RELN: variants seen among roughly 807,000 people sequenced by gnomAD.
RELN encodes the protein reelin.
Under a neutral mutation model 427.6 loss-of-function variants are expected in RELN, and 108 were observed. The observed-to-expected ratio is 0.25, with a 90% CI of 0.22 to 0.30. The LOEUF is 0.30. RELN is among the 10% of genes least tolerant of loss of function. The pLI is 1.00. For missense variants in RELN, 3,715 were observed against 4,302.8 expected, an observed-to-expected ratio of 0.86 and a Z score of 3.82; for synonymous variants, 1,524 against 1,513.4, an observed-to-expected ratio of 1.01 and a Z score of -0.16.
intron 50 of RELN, among the ~76,000 whole-genome samples, chr7:103,511,829 G>A (rs1009149106): frequency 6.6e-6 from 1 of 152,164 alleles, no homozygotes; most frequent in Non-Finnish European, 1.5e-5. Flanking sequence ...GGGCAGCAGA[G>A]TGAGACCCTG....
intron 6 of RELN, among the ~76,000 whole-genome samples, chr7:103,741,882 G>A (rs1231463722): frequency 1.3e-5 from 2 of 152,156 alleles, no homozygotes; most frequent in African/African-American, 4.8e-5. Context: ...GAAGATGGGT[G>A]ATTTCTGCAT....
intron 12 of RELN, among the ~76,000 whole-genome samples, chr7:103,655,885 T>C (rs902313575): frequency 1.3e-5 from 2 of 152,106 alleles, no homozygotes; most frequent in Non-Finnish European, 2.9e-5. Context: ...TATATCTTTT[T>C]TGATCCCATA....
intron 2 of RELN, among the ~76,000 whole-genome samples, chr7:103,863,822 TTTTTTTTTTTAGAAA>T: frequency 6.6e-6 from 1 of 152,044 alleles, no homozygotes; most frequent in Admixed American, 6.6e-5. Flanking sequence ...GCAATCAATT[TTTTTTTTTTTAGAAA>T]AAAATCCTCT....
At chr7:103,773,635 A>G (rs1233863946) in intron 4 of RELN, among the ~76,000 whole-genome samples, 1 of 151,798 alleles carries the variant, frequency 6.6e-6, no homozygotes, top group East Asian at 2.0e-4. Context: ...ACGCCCAGCT[A>G]ATTTTTGTAT....
At chr7:103,795,363 G>A (rs1792275480) in intron 3 of RELN, among the ~76,000 whole-genome samples, 1 of 152,196 alleles carries the variant, frequency 6.6e-6, no homozygotes, top group South Asian at 2.1e-4. Context: ...AATGTGCAGT[G>A]TTTTTGTTTA....
chr7:103,499,634 C>T (rs1828956690), intron 53 of RELN, among the ~76,000 whole-genome samples: 1 of 152,142 alleles, frequency 6.6e-6, no homozygotes, highest in African/African-American at 2.4e-5. Context: ...TAAAGACATA[C>T]AGTCAAATGT....
chr7:103,728,925 G>A (rs748112995), intron 6 of RELN, among the ~76,000 whole-genome samples: 15 of 152,112 alleles, frequency 9.9e-5, no homozygotes, highest in Non-Finnish European at 1.8e-4. Context: ...AACGGAATTA[G>A]CTCCTATCTT....
chr7:103,572,832 T>C (rs1830914322), intron 30 of RELN, among the ~76,000 whole-genome samples: 2 of 152,186 alleles, frequency 1.3e-5, no homozygotes, highest in South Asian at 4.1e-4. Flanking sequence ...AACACTATCC[T>C]TGGAAACTCA....
intron 19 of RELN, among the ~76,000 whole-genome samples, chr7:103,632,367 C>T (rs1378948633): frequency 6.6e-6 from 1 of 152,198 alleles, no homozygotes; most frequent in Non-Finnish European, 1.5e-5. Flanking sequence ...ATAATAAGGA[C>T]TCAACAAATT....
intron 1 of RELN, among the ~76,000 whole-genome samples, chr7:103,932,463 A>C (rs945722256): frequency 1.3e-5 from 2 of 152,158 alleles, no homozygotes; most frequent in Admixed American, 6.5e-5. Context: ...TGGGTGATGA[A>C]ATAATCTGTA....
intron 2 of RELN, among the ~76,000 whole-genome samples, chr7:103,909,344 G>C (rs1795287136): frequency 2.0e-5 from 3 of 151,484 alleles, no homozygotes; most frequent in Admixed American, 1.3e-4. Flanking sequence ...TATGTTCAGT[G>C]AAAAATAAAA....
intron 20 of RELN, among the ~76,000 whole-genome samples, chr7:103,612,859 T>C (rs1257479986): frequency 6.6e-6 from 1 of 152,190 alleles, no homozygotes; most frequent in Non-Finnish European, 1.5e-5. Flanking sequence ...GAGCTTGTAA[T>C]TTATCATAGA....
At chr7:103,841,262 T>C (rs957100762) in intron 2 of RELN, among the ~76,000 whole-genome samples, 3 of 152,186 alleles carry the variant, frequency 2.0e-5, no homozygotes, top group Non-Finnish European at 4.4e-5. Flanking sequence ...ATCATAACTT[T>C]GCTGTAATTT....
intron 2 of RELN, among the ~76,000 whole-genome samples, chr7:103,851,321 T>C (rs1422850988): frequency 2.0e-5 from 3 of 152,086 alleles, no homozygotes; most frequent in Non-Finnish European, 4.4e-5. Context: ...ACAATGGACT[T>C]TGGGGACTTG....
intron 1 of RELN, 77 bp from the exon 2 acceptor site, chr7:103,917,262 G>A: frequency 1.8e-6 from 2 of 1,131,614 alleles, no homozygotes; most frequent in Non-Finnish European, 2.7e-6. Flanking sequence ...GTTAGACATT[G>A]TCAAAACAAT....
At chr7:103,684,098 G>C (rs547479230) in intron 10 of RELN, among the ~76,000 whole-genome samples, 1 of 152,146 alleles carries the variant, frequency 6.6e-6, no homozygotes, top group Non-Finnish European at 1.5e-5. Context: ...TGAAACCAGT[G>C]AATTCCTGAG....
At chr7:103,876,767 TA>T (rs1794488648) in intron 2 of RELN, among the ~76,000 whole-genome samples, 1 of 150,906 alleles carries the variant, frequency 6.6e-6, no homozygotes. Flanking sequence ...GAACACATGA[TA>T]AAATGTCTGC....
chr7:103,684,055 A>G (rs1833710206), intron 10 of RELN, among the ~76,000 whole-genome samples: 1 of 152,174 alleles, frequency 6.6e-6, no homozygotes, highest in South Asian at 2.1e-4. Flanking sequence ...AGCCCATAGT[A>G]TACTGGGCCT....
chr7:103,915,134 C>T (rs111498274), intron 2 of RELN, among the ~76,000 whole-genome samples: 93 of 152,232 alleles, frequency 6.1e-4, no homozygotes, highest in African/African-American at 2.1e-3. Flanking sequence ...CATAGCCAGC[C>T]TCTTCCCACC....
Sources: gnomAD v4.1 joint callset for allele counts (sites outside exome capture counted in the v4.1 genomes callset) on GRCh38, gnomAD v4.1.1 for gene constraint, MANE v1.5 for transcripts, NCBI Gene and HGNC (gene_info 2026-07-23, HGNC 2026-07-21) for gene names.